Variants in ADAMTS3 observed in about 807,000 individuals in gnomAD.
The protein encoded by ADAMTS3 is ADAM metallopeptidase with thrombospondin type 1 motif 3, also known as A disintegrin and metalloproteinase with thrombospondin motifs 3.
A neutral mutation model predicts 129.0 loss-of-function variants in ADAMTS3; 73 were observed. That is an observed-to-expected ratio of 0.57 (90% CI 0.47 to 0.69). The LOEUF (loss-of-function observed/expected upper bound fraction) is 0.69, where lower values mean the gene tolerates loss of function less well. Ranked by LOEUF, ADAMTS3 falls within the 30% of genes least tolerant of loss-of-function variation. The probability of loss-of-function intolerance (pLI) is 0.00; values close to 1 mark genes in which losing one functional copy is unlikely to be tolerated. For synonymous variants in ADAMTS3, 477 were observed against 510.8 expected (o/e 0.93, Z 0.89); for missense variants, 1,457 against 1,514.5 (o/e 0.96, Z 0.63).
At chr4:72,410,699 ATGAT>A (rs1251787834) in intron 4 of ADAMTS3, among the ~76,000 whole-genome samples, 1 of 152,142 alleles carries the variant, frequency 6.6e-6, no homozygotes, top group African/African-American at 2.4e-5. Context: ...GTTTAGACAA[ATGAT>A]TGATTTAATA....
At position 72,306,110 on chromosome 4, in the gene ADAMTS3, C is replaced by T. The variant is rs757441167; in HGVS notation, c.2180-43G>A. 7 of 1,468,126 alleles carry T rather than the reference C, an allele frequency of 4.8e-6. No individual in the cohort carries two copies. The South Asian group carries it at 8.7e-5, about 18-fold the overall frequency. The allele number at this position is 1,468,126 out of a possible 1,614,324, so 90.9% of individuals were successfully genotyped here. ...ATATTGTAGGAAGCAAAGAAGAAAA[C>T]AAAAGCAACAACCATGGTTAGTTGA... On this transcript the variant is annotated intron_variant, in intron 15 of 21. Coordinates refer to ENST00000286657, the MANE Select transcript of ADAMTS3 (RefSeq NM_014243.3).
Position 72,398,437 on chromosome 4 carries a change from T to C in ADAMTS3, c.661+16378A>G, listed in dbSNP as rs116155679. ...ATAAATAAATAAAAATAGGTGGGCA[T>C]AGTAACGCACAACTGTAATACCAGC... On this transcript the variant is annotated intron_variant, in intron 4 of 21. Transcript: ENST00000286657. Among the ~76,000 whole-genome samples the C allele has an allele frequency of 7.2e-3, 1,091 of 152,120 alleles. 9 individuals are homozygous for C. The highest frequency in any genetic ancestry group is 0.025 in the African/African-American group (1,055 of 41,500).
At chr4:72,444,092 G>GA in intron 3 of ADAMTS3, among the ~76,000 whole-genome samples, 1 of 151,912 alleles carries the variant, frequency 6.6e-6, no homozygotes, top group Middle Eastern at 3.4e-3. Flanking sequence ...GCAGCAGGCT[G>GA]CACAGCTATT....
chr4:72,556,507 A>G (rs185103180), intron 2 of ADAMTS3, among the ~76,000 whole-genome samples: 2 of 151,844 alleles, frequency 1.3e-5, no homozygotes, highest in East Asian at 3.9e-4. Context: ...ATGTCACACA[A>G]ATTTTTAAGG....
intron 18 of ADAMTS3, among the ~76,000 whole-genome samples, chr4:72,298,019 G>A (rs1305035979): frequency 6.6e-6 from 1 of 152,040 alleles, no homozygotes; most frequent in Non-Finnish European, 1.5e-5. Flanking sequence ...GTGATTAAGG[G>A]TACCACTACA....
intron 3 of ADAMTS3, among the ~76,000 whole-genome samples, chr4:72,427,456 C>T (rs1722600440): frequency 6.6e-6 from 1 of 151,990 alleles, no homozygotes; most frequent in Admixed American, 6.6e-5. Flanking sequence ...GTTGGAGGTT[C>T]TCAGGTAAGC....
At chr4:72,370,277 C>G (rs1207128050) in intron 4 of ADAMTS3, among the ~76,000 whole-genome samples, 1 of 152,136 alleles carries the variant, frequency 6.6e-6, no homozygotes, top group Non-Finnish European at 1.5e-5. Context: ...TGCTTCCCAG[C>G]CTGGTGGTGA....
At chr4:72,288,923 TACACACACACACAC>T (rs33967517) in intron 20 of ADAMTS3, 55 bp from the exon 21 acceptor site, 139 of 452,746 alleles carry the variant, frequency 3.1e-4, no homozygotes, top group Middle Eastern at 2.5e-3. Context: ...ACCATGCACA[TACACACACACACAC>T]ACACACACAC....
chr4:72,401,875 T>C (rs1476251140), intron 4 of ADAMTS3, among the ~76,000 whole-genome samples: 1 of 152,136 alleles, frequency 6.6e-6, no homozygotes, highest in East Asian at 1.9e-4. Context: ...TAAGCACTGA[T>C]AGGTTAAGTA....
intron 3 of ADAMTS3, among the ~76,000 whole-genome samples, chr4:72,489,157 C>T (rs1468142729): frequency 1.3e-5 from 2 of 151,912 alleles, no homozygotes; most frequent in Non-Finnish European, 1.5e-5. Flanking sequence ...TTTCCCTATC[C>T]ATTCATACAT....
intron 2 of ADAMTS3, among the ~76,000 whole-genome samples, chr4:72,556,084 A>C (rs2109799224): frequency 6.6e-6 from 1 of 151,910 alleles, no homozygotes; most frequent in Non-Finnish European, 1.5e-5. Flanking sequence ...ACCTAAGAGC[A>C]GTGTGAGAAC....
intron 3 of ADAMTS3, among the ~76,000 whole-genome samples, chr4:72,422,072 A>C (rs879879879): frequency 7.2e-5 from 11 of 152,310 alleles, no homozygotes; most frequent in Admixed American, 3.3e-4. Context: ...ATTTCACAGG[A>C]TACATTTAGT....
chr4:72,554,599 T>C (rs1240435552), intron 2 of ADAMTS3, among the ~76,000 whole-genome samples: 2 of 149,004 alleles, frequency 1.3e-5, no homozygotes, highest in African/African-American at 5.2e-5. Context: ...AGCTATTTTA[T>C]ACATGTCTTA....
At chr4:72,513,963 C>T (rs1720384448) in intron 3 of ADAMTS3, among the ~76,000 whole-genome samples, 1 of 152,160 alleles carries the variant, frequency 6.6e-6, no homozygotes, top group Non-Finnish European at 1.5e-5. Context: ...AGTTATTTCA[C>T]TGAGGATAAA....
At chr4:72,512,218 G>A (rs1406092227) in intron 3 of ADAMTS3, among the ~76,000 whole-genome samples, 1 of 152,156 alleles carries the variant, frequency 6.6e-6, no homozygotes, top group Non-Finnish European at 1.5e-5. Context: ...GCTCACACTT[G>A]TAATCCCTGC....
intron 3 of ADAMTS3, among the ~76,000 whole-genome samples, chr4:72,535,260 T>C (rs1487120941): frequency 1.3e-5 from 2 of 152,210 alleles, no homozygotes; most frequent in African/African-American, 4.8e-5. Flanking sequence ...CCAATCACTA[T>C]GTTAAAGGCA....
At chr4:72,434,688 G>C (rs182828273) in intron 3 of ADAMTS3, among the ~76,000 whole-genome samples, 1 of 151,880 alleles carries the variant, frequency 6.6e-6, no homozygotes, top group Admixed American at 6.6e-5. Flanking sequence ...GGGTTTTGCA[G>C]ATGCAATTAA....
chr4:72,323,827 G>A (rs1719628385), intron 5 of ADAMTS3, among the ~76,000 whole-genome samples: 1 of 152,070 alleles, frequency 6.6e-6, no homozygotes, highest in Non-Finnish European at 1.5e-5. Context: ...ATAGATGTTG[G>A]AATAAGTGCA....
intron 16 of ADAMTS3, among the ~76,000 whole-genome samples, chr4:72,305,765 A>G (rs1036453737): frequency 1.3e-5 from 2 of 151,874 alleles, no homozygotes; most frequent in Non-Finnish European, 2.9e-5. Flanking sequence ...GCACATGTAC[A>G]CACATATACA....
Sources: allele counts gnomAD v4.1 joint callset (sites outside exome capture counted in the v4.1 genomes callset), GRCh38; gene constraint gnomAD v4.1.1; transcripts MANE v1.5; gene names NCBI Gene and HGNC (gene_info 2026-07-23, HGNC 2026-07-21).